Variants in ITSN1 observed in about 807,000 individuals in gnomAD.
The protein encoded by ITSN1 is intersectin-1.
In ITSN1, 58 loss-of-function variants were observed where a neutral mutation model predicts 239.8. That is an observed-to-expected ratio of 0.24 (90% confidence interval 0.20 to 0.30). ITSN1 has a LOEUF of 0.30. ITSN1 is among the 10% of genes least tolerant of loss of function. The pLI is 1.00. For missense variants in ITSN1, 1,558 were observed against 2,103.3 expected (o/e 0.74, Z 5.07); for synonymous variants, 780 against 770.8 (o/e 1.01, Z -0.20).
chr21:33,761,469 T>C (rs1042192526), intron 8 of ITSN1, among the ~76,000 whole-genome samples: 2 of 151,986 alleles, frequency 1.3e-5, no homozygotes, highest in African/African-American at 4.8e-5. Context: ...CTCTCCGAGG[T>C]CCCTTCCTCC....
chr21:33,880,344 A>T (rs1984691995), intron 34 of ITSN1, among the ~76,000 whole-genome samples: 1 of 152,166 alleles, frequency 6.6e-6, no homozygotes, highest in Admixed American at 6.5e-5. Flanking sequence ...ATTGGATCCA[A>T]TGACACTTGC....
At position 33,867,398 on chromosome 21, in the gene ITSN1, T is replaced by G. The variant is rs573312591; in HGVS notation, c.4173+67T>G. 50 of 874,878 alleles carry G rather than the reference T, an allele frequency of 5.7e-5. No homozygotes were observed. In the Admixed American group the frequency reaches 6.5e-4, roughly 11 times the overall value. 54.2% of individuals were successfully genotyped at this position (874,878 alleles called of 1,614,324 possible). ...TCTGCATTGGAGAGGGCTGGGGTCA[T>G]GGACAAGATTCCCAGTGAACATATC... On this transcript the variant is annotated intron_variant, in intron 33 of 39. Coordinates refer to ENST00000381318, the MANE Select transcript of ITSN1 (RefSeq NM_003024.3).
chr21:33,817,824 T>C (rs2073391688), intron 22 of ITSN1: 4 of 373,952 alleles, frequency 1.1e-5, no homozygotes, highest in Non-Finnish European at 1.9e-5. Context: ...GTCTACCTAA[T>C]CTAAAATGCC....
chr21:33,670,031 C>G (rs1388292973), intron 1 of ITSN1, among the ~76,000 whole-genome samples: 3 of 152,166 alleles, frequency 2.0e-5, no homozygotes, highest in African/African-American at 7.2e-5. Flanking sequence ...CTCTCCATAT[C>G]TTTTTCCATT....
chr21:33,672,057 C>G (rs1319184065), intron 1 of ITSN1, among the ~76,000 whole-genome samples: 5 of 151,880 alleles, frequency 3.3e-5, no homozygotes. Context: ...CCAGCCTGAC[C>G]AACATGGAGA....
At chr21:33,809,349 G>C (rs1264615739) in intron 20 of ITSN1, among the ~76,000 whole-genome samples, 1 of 152,158 alleles carries the variant, frequency 6.6e-6, no homozygotes, top group African/African-American at 2.4e-5. Flanking sequence ...CCCTAAAGTG[G>C]AGCAGCAAGC....
chr21:33,820,252 G>C (rs2073583210), intron 24 of ITSN1, among the ~76,000 whole-genome samples: 2 of 152,096 alleles, frequency 1.3e-5, no homozygotes. Flanking sequence ...TAAAACTTAG[G>C]TAATTCAGGC....
chr21:33,716,315 C>G (rs1018449583), intron 1 of ITSN1: 2 of 152,210 alleles, frequency 1.3e-5, no homozygotes, highest in Admixed American at 1.3e-4. Flanking sequence ...GCGCTAGAAC[C>G]GGAAGTGCTC....
At chr21:33,839,249 A>G (rs2074741222) in intron 29 of ITSN1, among the ~76,000 whole-genome samples, 1 of 152,214 alleles carries the variant, frequency 6.6e-6, no homozygotes, top group Non-Finnish European at 1.5e-5. Flanking sequence ...ATCCATATAA[A>G]TATGCACGGT....
chr21:33,758,113 C>T (rs1426707997), intron 8 of ITSN1, among the ~76,000 whole-genome samples: 1 of 152,036 alleles, frequency 6.6e-6, no homozygotes, highest in African/African-American at 2.4e-5. Flanking sequence ...GAACTCCTGA[C>T]CTCAAGCAGT....
intron 1 of ITSN1, among the ~76,000 whole-genome samples, chr21:33,668,429 AG>A (rs1455852261): frequency 1.3e-5 from 2 of 152,060 alleles, no homozygotes; most frequent in African/African-American, 4.8e-5. Flanking sequence ...GGCTAGAAAC[AG>A]GGAGTGTTGT....
rs181972646 is a variant in ITSN1 at position 33,707,343 on chromosome 21, C to T, written c.-32-11454C>T. ...GTCTCACTATGTTGCCCAGGCTAGT[C>T]TTGAACTCCTGGCCTAAAGTGATGC... On this transcript the variant is annotated intron_variant, in intron 1 of 39. Coordinates refer to ENST00000381318, the MANE Select transcript of ITSN1 (RefSeq NM_003024.3). Among the ~76,000 whole-genome samples, 347 of 152,154 alleles carry T rather than the reference C, an allele frequency of 2.3e-3. 1 individual carries two copies. Among genetic ancestry groups the T allele is most frequent in the African/African-American group, 8.1e-3 (337 of 41,520 alleles).
At chr21:33,662,981 CATT>C (rs1246397209) in intron 1 of ITSN1, among the ~76,000 whole-genome samples, 5 of 152,228 alleles carry the variant, frequency 3.3e-5, no homozygotes, top group African/African-American at 1.2e-4. Flanking sequence ...AATAAAAAAT[CATT>C]GACTTACCAC....
At chr21:33,817,489 G>A (rs896314262) in intron 22 of ITSN1, 19 of 1,304,418 alleles carry the variant, frequency 1.5e-5, no homozygotes, top group Non-Finnish European at 1.9e-5. Context: ...CTTTATTCCT[G>A]CAGTGAATAG....
intron 29 of ITSN1, among the ~76,000 whole-genome samples, chr21:33,855,500 TG>T (rs1199591315): frequency 1.3e-5 from 2 of 152,242 alleles, no homozygotes; most frequent in Non-Finnish European, 2.9e-5. Context: ...CTTCCAAGTC[TG>T]GCTTCTGTGA....
intron 4 of ITSN1, among the ~76,000 whole-genome samples, chr21:33,732,118 A>G (rs2066224813): frequency 6.6e-6 from 1 of 152,222 alleles, no homozygotes; most frequent in Admixed American, 6.5e-5. Flanking sequence ...GCTGGAATCA[A>G]TAGAAGGGAA....
chr21:33,756,122 C>A (rs1602042128), intron 8 of ITSN1, among the ~76,000 whole-genome samples: 1 of 151,656 alleles, frequency 6.6e-6, no homozygotes, highest in Admixed American at 6.6e-5. Context: ...CCAGCCTGGC[C>A]AACATGGTCT....
At chr21:33,664,414 T>C (rs1198058489) in intron 1 of ITSN1, among the ~76,000 whole-genome samples, 1 of 152,128 alleles carries the variant, frequency 6.6e-6, no homozygotes, top group Non-Finnish European at 1.5e-5. Flanking sequence ...AGCCAGCTCA[T>C]GTGAGAACTA....
At chr21:33,845,221 C>T (rs996877838) in intron 29 of ITSN1, among the ~76,000 whole-genome samples, 2 of 142,426 alleles carry the variant, frequency 1.4e-5, no homozygotes, top group African/African-American at 2.8e-5. Flanking sequence ...GAGGATGGCC[C>T]GAGAAAGCTC....
Sources: gnomAD v4.1 joint callset for allele counts (sites outside exome capture counted in the v4.1 genomes callset) on GRCh38, gnomAD v4.1.1 for gene constraint, MANE v1.5 for transcripts, NCBI Gene and HGNC (gene_info 2026-07-23, HGNC 2026-07-21) for gene names.